MAPT: variants seen among roughly 807,000 people sequenced by gnomAD.
The protein encoded by MAPT is microtubule-associated protein tau.
MAPT carries 34 observed loss-of-function variants against 67.9 expected under a neutral mutation model. The ratio of observed to expected loss-of-function variants is 0.50; its 90% CI spans 0.38 to 0.67. MAPT has a LOEUF of 0.67. Ranked by LOEUF, MAPT falls within the 30% of genes least tolerant of loss-of-function variation. MAPT has a pLI of 0.00. For missense variants in MAPT, 881 were observed against 1,115.2 expected (o/e 0.79, Z 2.99); for synonymous variants, 456 against 464.5 (o/e 0.98, Z 0.23).
At chr17:45,963,125 T>A (rs936365434) in intron 2 of MAPT, among the ~76,000 whole-genome samples, 3 of 152,228 alleles carry the variant, frequency 2.0e-5, no homozygotes, top group Admixed American at 1.3e-4. Flanking sequence ...GCTTTTTATC[T>A]CTTACTTAGA....
chr17:46,018,089 G>A (rs2076299688), intron 11 of MAPT, among the ~76,000 whole-genome samples: 1 of 150,370 alleles, frequency 6.7e-6, no homozygotes, highest in Non-Finnish European at 1.5e-5. Flanking sequence ...AGCTTGCAGT[G>A]AGCAGAGACC....
At chr17:46,000,342 G>T (rs79959255) in intron 9 of MAPT, among the ~76,000 whole-genome samples, 22,061 of 152,176 alleles carry the variant, frequency 0.14, 2,144 homozygotes, top group Non-Finnish European at 0.22. Context: ...AGTGAACATA[G>T]ATTGCTTTGG....
rs1009843710 is a variant in MAPT, at chr17:46,007,712, G to C, written c.1999-2598G>C. ...TGCTGGCAGCAATGTGGTGAGGCTG[G>C]CTCTCTCACCAGGGCTCACAGGGAA... On this transcript the variant is annotated intron_variant, in intron 9 of 12. Transcript: ENST00000262410. 3.3e-5 allele frequency among the ~76,000 whole-genome samples: 5 copies of C among 152,206 alleles called. 1 individual carries two copies. The Middle Eastern group carries it at 0.014, about 414-fold the overall frequency.
rs550945297 is a variant in MAPT, at chr17:45,983,542, C to G, written c.963C>G (p.Pro321=). The G allele has an allele frequency of 1.9e-5, 30 of 1,613,012 alleles. No individual in the cohort carries two copies. Among genetic ancestry groups the G allele is most frequent in the Middle Eastern group, 1.7e-4 (1 of 6,060 alleles). Residue 321 remains proline (P), a synonymous_variant, in exon 5 of 13, where the codon CCC becomes CCG. Transcript: ENST00000262410. ...KASPAQDGRP[P]QTAAREATSI... ...CCCCAGCCCAAGATGGGCGGCCTCC[C>G]CAGACAGCCGCCAGAGAAGCCACCA...
At chr17:45,937,669 C>T (rs2067469014) in intron 1 of MAPT, among the ~76,000 whole-genome samples, 1 of 151,702 alleles carries the variant, frequency 6.6e-6, no homozygotes, top group African/African-American at 2.4e-5. Flanking sequence ...AAGGGAAAGC[C>T]CAGAAGAGTG....
At chr17:45,942,466 C>T (rs1299779741) in intron 1 of MAPT, among the ~76,000 whole-genome samples, 3 of 152,216 alleles carry the variant, frequency 2.0e-5, no homozygotes, top group Non-Finnish European at 2.9e-5. Flanking sequence ...AGGGGCACCA[C>T]GTGTCGTGGG....
Position 45,913,996 on chromosome 17 carries a change from C to G in MAPT, c.-18+19310C>G, listed in dbSNP as rs1252308384. On this transcript the variant is annotated intron_variant, in intron 1 of 12. Transcript: ENST00000262410. The stretch of plus-strand genomic sequence containing the variant: ...AGTACTAGGACAGCCCAGCATTGCC[C>G]CAAAATATCCAGGCCTGATAAAAGA... 1.3e-5 allele frequency among the ~76,000 whole-genome samples: 2 copies of G among 151,942 alleles called. 1 individual carries two copies.
At chr17:45,903,428 A>G (rs1373180857) in intron 1 of MAPT, among the ~76,000 whole-genome samples, 2 of 152,004 alleles carry the variant, frequency 1.3e-5, no homozygotes, top group Non-Finnish European at 2.9e-5. Flanking sequence ...AATCAGGGCA[A>G]CATCAGGCAG....
intron 1 of MAPT, among the ~76,000 whole-genome samples, chr17:45,948,226 G>A (rs78026984): frequency 5.9e-5 from 9 of 151,960 alleles, no homozygotes; most frequent in African/African-American, 2.2e-4. Flanking sequence ...GGCTGGTCTC[G>A]AACTCCTGGC....
At chr17:45,978,742 C>T (rs534948345) in intron 4 of MAPT, 60 of 364,162 alleles carry the variant, frequency 1.6e-4, no homozygotes, top group African/African-American at 1.1e-3. Flanking sequence ...TGGTGGCTCA[C>T]GCCTCTAATC....
chr17:45,958,764 TA>T, intron 1 of MAPT, among the ~76,000 whole-genome samples: 1 of 149,718 alleles, frequency 6.7e-6, no homozygotes, highest in Non-Finnish European at 1.5e-5. Flanking sequence ...CTGATCTCAC[TA>T]GTAATTAAAA....
intron 9 of MAPT, among the ~76,000 whole-genome samples, chr17:46,009,832 C>T (rs1241003629): frequency 6.6e-6 from 1 of 152,210 alleles, no homozygotes; most frequent in Non-Finnish European, 1.5e-5. Context: ...GATTCTGATG[C>T]CCGGCAGGCT....
chr17:45,932,859 A>G (rs2066970026), intron 1 of MAPT, among the ~76,000 whole-genome samples: 1 of 152,246 alleles, frequency 6.6e-6, no homozygotes, highest in Admixed American at 6.5e-5. Flanking sequence ...AGGCAGGTGG[A>G]TCACTTGATG....
chr17:46,013,849 G>A (rs1415341763), intron 10 of MAPT, among the ~76,000 whole-genome samples: 1 of 152,216 alleles, frequency 6.6e-6, no homozygotes, highest in African/African-American at 2.4e-5. Flanking sequence ...CTTCATGCCT[G>A]ATTGTGATCT....
In MAPT at chr17:45,915,673, G is replaced by A. The variant is rs1340738033; in HGVS notation, c.-18+20987G>A. On this transcript the variant is annotated intron_variant, in intron 1 of 12. Coordinates refer to ENST00000262410, the MANE Select transcript of MAPT (RefSeq NM_001377265.1). This position sits in a 1 kb window ranked among gnomAD's most constrained non-coding sequence, Gnocchi z 4.4. ...GTAACTGAACACAGCACTTTAGAGGGCTCTCCTGGAGTCAGAGGGGGTGGG... is the reference window on the plus strand; with the variant it reads ...GTAACTGAACACAGCACTTTAGAGGACTCTCCTGGAGTCAGAGGGGGTGGG... Among the ~76,000 whole-genome samples, 1 of 152,022 alleles carries A rather than the reference G, an allele frequency of 6.6e-6. No individual in the cohort carries two copies. Among genetic ancestry groups the A allele is most frequent in the Non-Finnish European group, 1.5e-5 (1 of 68,004 alleles).
intron 1 of MAPT, among the ~76,000 whole-genome samples, chr17:45,948,130 T>G (rs2068692087): frequency 6.6e-6 from 1 of 151,964 alleles, no homozygotes; most frequent in African/African-American, 2.4e-5. Flanking sequence ...CTCTGCCTCC[T>G]GAGTAGCTGG....
chr17:46,013,326 GGCCT>G (rs1341171243), intron 10 of MAPT, among the ~76,000 whole-genome samples: 3 of 152,184 alleles, frequency 2.0e-5, no homozygotes, highest in African/African-American at 7.2e-5. Context: ...GCTGCATAGA[GGCCT>G]GCCTCCAAGG....
intron 1 of MAPT, among the ~76,000 whole-genome samples, chr17:45,942,787 C>A (rs889932719): frequency 1.3e-5 from 2 of 152,214 alleles, no homozygotes; most frequent in Non-Finnish European, 2.9e-5. Flanking sequence ...CGACAGCCAG[C>A]GATGGTTCTG....
intron 8 of MAPT, among the ~76,000 whole-genome samples, chr17:45,994,961 T>C (rs182037101): frequency 3.8e-4 from 58 of 152,120 alleles, no homozygotes; most frequent in African/African-American, 1.3e-3. Flanking sequence ...GGCAGGAGAC[T>C]CGCTTGATCC....
Sources: gnomAD v4.1 joint callset for allele counts (sites outside exome capture counted in the v4.1 genomes callset) on GRCh38, gnomAD v4.1.1 for gene constraint, Gnocchi (gnomAD v3.1) non-coding constraint, MANE v1.5 for transcripts, NCBI Gene and HGNC (gene_info 2026-07-23, HGNC 2026-07-21) for gene names.